Variants in LRRTM4 observed in about 807,000 individuals in gnomAD.
LRRTM4 encodes leucine rich repeat transmembrane neuronal 4.
Under a neutral mutation model 47.6 loss-of-function variants are expected in LRRTM4, and 25 were observed. That is an observed-to-expected ratio of 0.53 (90% CI 0.38 to 0.73). LRRTM4 has a LOEUF of 0.73. Ranked by LOEUF, LRRTM4 falls within the 30% of genes least tolerant of loss-of-function variation. LRRTM4 has a pLI of 0.00. For synonymous variants in LRRTM4, 311 were observed against 269.5 expected, an observed-to-expected ratio of 1.15 and a Z score of -1.51; for missense variants, 638 against 713.4, an observed-to-expected ratio of 0.89 and a Z score of 1.20.
At chr2:77,242,000 C>T (rs924415905) in intron 3 of LRRTM4, among the ~76,000 whole-genome samples, 4 of 152,100 alleles carry the variant, frequency 2.6e-5, no homozygotes, top group Non-Finnish European at 5.9e-5. Flanking sequence ...GTCCATACAT[C>T]TGTCTTTATG....
chr2:77,059,809 C>T (rs7608223), intron 3 of LRRTM4, among the ~76,000 whole-genome samples: 58,523 of 152,026 alleles, frequency 0.38, 12,733 homozygotes, highest in African/African-American at 0.6. Flanking sequence ...TCGCTTTTTA[C>T]ATTAAATATA....
chr2:77,499,979 G>A (rs1573498310), intron 3 of LRRTM4, among the ~76,000 whole-genome samples: 1 of 151,604 alleles, frequency 6.6e-6, no homozygotes, highest in Non-Finnish European at 1.5e-5. Flanking sequence ...AGCCCAACAG[G>A]AGATACCAAA....
intron 3 of LRRTM4, among the ~76,000 whole-genome samples, chr2:77,493,110 C>A (rs6713282): frequency 0.57 from 86,109 of 151,806 alleles, 24,812 homozygotes; most frequent in Middle Eastern, 0.66. Flanking sequence ...ATCAGTGATC[C>A]GAAACATACT....
intron 3 of LRRTM4, among the ~76,000 whole-genome samples, chr2:77,117,973 G>T (rs964858418): frequency 1.3e-5 from 2 of 151,858 alleles, no homozygotes; most frequent in Non-Finnish European, 2.9e-5. Flanking sequence ...AATGTGCACT[G>T]CAAATTACTA....
chr2:76,942,674 ATCTGTGTGTG>A (rs1280644477), intron 3 of LRRTM4, among the ~76,000 whole-genome samples: 4 of 123,246 alleles, frequency 3.2e-5, no homozygotes, highest in African/African-American at 1.3e-4. Context: ...ACCTCTAGGA[ATCTGTGTGTG>A]TGTGTGTGTG....
chr2:76,960,440 T>C (rs1427448579), intron 3 of LRRTM4, among the ~76,000 whole-genome samples: 5 of 151,810 alleles, frequency 3.3e-5, no homozygotes, highest in African/African-American at 1.2e-4. Context: ...AGTTTTTCTA[T>C]ATAAAGGAAC....
intron 3 of LRRTM4, among the ~76,000 whole-genome samples, chr2:76,850,440 A>T (rs1020107957): frequency 6.6e-5 from 10 of 152,194 alleles, no homozygotes; most frequent in African/African-American, 2.2e-4. Flanking sequence ...CAATTCAGTG[A>T]TGTTGAACAA....
chr2:76,910,408 A>G (rs961554113), intron 3 of LRRTM4, among the ~76,000 whole-genome samples: 1 of 152,046 alleles, frequency 6.6e-6, no homozygotes, highest in Non-Finnish European at 1.5e-5. Flanking sequence ...ATGACGAGTT[A>G]GTGGGTGCAG....
intron 3 of LRRTM4, among the ~76,000 whole-genome samples, chr2:77,055,552 G>A (rs985455328): frequency 3.9e-5 from 6 of 152,190 alleles, no homozygotes; most frequent in African/African-American, 1.4e-4. Context: ...AGGTGCTGGA[G>A]AGGATGTGGA....
chr2:77,120,925 A>C (rs1319830084), intron 3 of LRRTM4, among the ~76,000 whole-genome samples: 3 of 151,794 alleles, frequency 2.0e-5, no homozygotes, highest in Admixed American at 6.6e-5. Flanking sequence ...GTCTACAGTC[A>C]TTCAATGCAG....
chr2:76,955,409 C>T (rs528680724), intron 3 of LRRTM4, among the ~76,000 whole-genome samples: 1 of 151,634 alleles, frequency 6.6e-6, no homozygotes, highest in South Asian at 2.1e-4. Context: ...AGATTGTTAC[C>T]ATGATAAGGT....
At chr2:77,005,916 ATAC>A (rs926834521) in intron 3 of LRRTM4, among the ~76,000 whole-genome samples, 4 of 152,198 alleles carry the variant, frequency 2.6e-5, no homozygotes, top group African/African-American at 9.6e-5. Flanking sequence ...TAGTGCATAG[ATAC>A]TATTATTGTC....
chr2:76,790,604 ATTAATAAAATAATTCCCATT>A (rs1461890344), intron 3 of LRRTM4, among the ~76,000 whole-genome samples: 2 of 152,166 alleles, frequency 1.3e-5, no homozygotes, highest in East Asian at 3.9e-4. Context: ...AGCATTAGCT[ATTAATAAAATAATTCCCATT>A]GCTATTTCTC....
At chr2:77,029,494 T>A (rs1194958719) in intron 3 of LRRTM4, among the ~76,000 whole-genome samples, 5 of 151,474 alleles carry the variant, frequency 3.3e-5, no homozygotes, top group African/African-American at 9.8e-5. Flanking sequence ...GGGAGAAAGA[T>A]GAAGGCCAGA....
At chr2:77,210,709 G>T (rs1674268443) in intron 3 of LRRTM4, among the ~76,000 whole-genome samples, 1 of 152,098 alleles carries the variant, frequency 6.6e-6, no homozygotes, top group African/African-American at 2.4e-5. Context: ...TTCAGGGTCT[G>T]GTGATGTGTT....
rs568314452 is a variant in LRRTM4 at position 77,187,606 on chromosome 2, C to A, written c.1551+330712G>T. On this transcript the variant is annotated intron_variant, in intron 3 of 3. Coordinates refer to ENST00000409884, the MANE Select transcript of LRRTM4 (RefSeq NM_001134745.3). ...AACCTGCACGTTGTGTACATGTACC[C>A]TAAAACTTAAAGTATAATAATAAAA... 3.1e-3 allele frequency among the ~76,000 whole-genome samples: 478 copies of A among 151,820 alleles called. 2 individuals are homozygous for A. The highest frequency in any genetic ancestry group is 6.1e-3 in the Non-Finnish European group (415 of 67,934).
At chr2:77,281,366 T>C (rs1676502337) in intron 3 of LRRTM4, among the ~76,000 whole-genome samples, 1 of 152,008 alleles carries the variant, frequency 6.6e-6, no homozygotes, top group African/African-American at 2.4e-5. Context: ...CCAGACTTTA[T>C]AATTTCAGGA....
chr2:77,123,635 G>A (rs1232919582), intron 3 of LRRTM4, among the ~76,000 whole-genome samples: 2 of 151,940 alleles, frequency 1.3e-5, no homozygotes, highest in African/African-American at 4.8e-5. Flanking sequence ...TAATAAAAAG[G>A]AGGTTTTTTC....
At chr2:76,778,504 G>C (rs1294066359) in intron 3 of LRRTM4, among the ~76,000 whole-genome samples, 31 of 148,404 alleles carry the variant, frequency 2.1e-4, no homozygotes, top group African/African-American at 5.3e-4. Flanking sequence ...TGTATGTGTC[G>C]AGGAATTTAT....
Sources: gnomAD v4.1 joint callset for allele counts (sites outside exome capture counted in the v4.1 genomes callset) on GRCh38, gnomAD v4.1.1 for gene constraint, MANE v1.5 for transcripts, NCBI Gene and HGNC (gene_info 2026-07-23, HGNC 2026-07-21) for gene names.